POLR3B: variants seen among roughly 807,000 people sequenced by gnomAD.
The protein encoded by POLR3B is RNA polymerase III subunit B, also known as DNA-directed RNA polymerase III subunit RPC2.
POLR3B carries 96 observed loss-of-function variants against 147.4 expected under a neutral mutation model. The ratio of observed to expected loss-of-function variants is 0.65; its 90% confidence interval spans 0.55 to 0.77. POLR3B has a LOEUF of 0.77. Ranked by LOEUF, POLR3B falls within the 30% of genes least tolerant of loss-of-function variation. The pLI is 0.00. For missense variants in POLR3B, 1,036 were observed against 1,413.5 expected, an observed-to-expected ratio of 0.73 and a Z score of 4.28; for synonymous variants, 461 against 485.9, an observed-to-expected ratio of 0.95 and a Z score of 0.67.
chr12:106,456,763 T>C (rs1386965262), intron 20 of POLR3B, among the ~76,000 whole-genome samples: 2 of 152,164 alleles, frequency 1.3e-5, no homozygotes, highest in Admixed American at 6.5e-5. Flanking sequence ...GTAAAACAGA[T>C]AGGTTAAGCA....
intron 27 of POLR3B, among the ~76,000 whole-genome samples, chr12:106,508,687 A>C (rs1416628302): frequency 6.6e-6 from 1 of 152,244 alleles, no homozygotes. Flanking sequence ...TCCTAATTGG[A>C]ATATGAGGCA....
intron 7 of POLR3B, 53 bp downstream of exon 7, chr12:106,376,503 G>T (rs1298044358): frequency 3.7e-5 from 46 of 1,233,170 alleles, no homozygotes; most frequent in Non-Finnish European, 5.2e-5. Flanking sequence ...TTATTCTGCT[G>T]CTGCTGTGGT....
chr12:106,357,968 C>T lies in POLR3B; in HGVS notation c.72+17C>T. ...ACTGTAGAGGTCAGTGCCAGGCACG[C>T]AGGGAGCGTCAGGGACAAGGATGCG... On this transcript the variant is annotated intron_variant, in intron 1 of 27. Transcript: ENST00000228347. The T allele has an allele frequency of 6.2e-7, 1 of 1,610,626 alleles. No homozygotes were observed. The highest frequency in any genetic ancestry group is 1.7e-5 in the Admixed American group (1 of 59,916).
intron 21 of POLR3B, among the ~76,000 whole-genome samples, chr12:106,458,441 G>A (rs1223144409): frequency 1.3e-5 from 2 of 152,086 alleles, no homozygotes; most frequent in Non-Finnish European, 1.5e-5. Context: ...GATCCTAAAA[G>A]CAATGATATA....
chr12:106,362,757 A>G (rs974804827), intron 1 of POLR3B, among the ~76,000 whole-genome samples: 4 of 152,154 alleles, frequency 2.6e-5, no homozygotes, highest in African/African-American at 9.7e-5. Context: ...GGACTTTAGC[A>G]TATGAATTTT....
chr12:106,496,868 C>T lies in POLR3B; in HGVS notation c.2934C>T (p.Arg978=), dbSNP rs1402023045. 2 of 1,614,042 alleles carry T rather than the reference C, an allele frequency of 1.2e-6. No homozygotes were observed. Among genetic ancestry groups the T allele is most frequent in the South Asian group, 2.2e-5 (2 of 91,072 alleles). Residue 978 remains arginine, a synonymous_variant, in exon 25 of 28, where the codon CGC becomes CGT. Coordinates refer to ENST00000228347, the MANE Select transcript of POLR3B (RefSeq NM_018082.6). The part of the protein sequence containing the change: ...KVKDVCEDLV[R]HGYNYLGKDY... ...AGGATGTGTGTGAGGACCTCGTTCGCCATGGTTATAACTACTTGGGGAAAG... is the reference window on the plus strand; with the variant it reads ...AGGATGTGTGTGAGGACCTCGTTCGTCATGGTTATAACTACTTGGGGAAAG...
intron 9 of POLR3B, among the ~76,000 whole-genome samples, chr12:106,382,619 A>G (rs879793362): frequency 3.9e-5 from 6 of 152,206 alleles, no homozygotes; most frequent in Non-Finnish European, 8.8e-5. Flanking sequence ...TTCATTATCA[A>G]TGAGTAGTAA....
intron 18 of POLR3B, among the ~76,000 whole-genome samples, chr12:106,439,574 G>A (rs1212894742): frequency 6.7e-6 from 1 of 150,322 alleles, no homozygotes. Flanking sequence ...GAGTCCAGGA[G>A]GTGGAGGCTC....
chr12:106,508,380 C>G (rs183283080), intron 27 of POLR3B, among the ~76,000 whole-genome samples: 5 of 152,186 alleles, frequency 3.3e-5, no homozygotes, highest in Admixed American at 2.6e-4. Context: ...AGGAATCCCC[C>G]TTCAATTCCT....
intron 19 of POLR3B, among the ~76,000 whole-genome samples, chr12:106,445,278 A>G (rs2037707028): frequency 6.6e-6 from 1 of 152,250 alleles, no homozygotes; most frequent in Non-Finnish European, 1.5e-5. Context: ...GGAGAGACCA[A>G]CAAATAAAAC....
chr12:106,393,141 C>G lies in POLR3B; in HGVS notation c.834C>G (p.Phe278Leu). 1 of 1,614,180 alleles carries G rather than the reference C, an allele frequency of 6.2e-7. No individual in the cohort carries two copies. Among genetic ancestry groups the G allele is most frequent in the South Asian group, 1.1e-5 (1 of 91,086 alleles). The part of the protein sequence containing the change: ...SLEECQKAQI[F>L]TQMQALKYIG... ...AAGAGTGCCAGAAAGCTCAGATTTT[C>G]ACACAGATGCAGGTGTGTCTTTTCA... Residue 278 changes from phenylalanine (F) to leucine (L), a missense_variant, in exon 10 of 28, where the codon TTC (phenylalanine) becomes TTG (leucine). Transcript: ENST00000228347.
chr12:106,504,084 A>G lies in POLR3B; in HGVS notation c.3102A>G (p.Gln1034=), dbSNP rs370631015. 5.6e-6 allele frequency: 9 copies of G among 1,613,690 alleles called. No homozygotes were observed. The highest frequency in any genetic ancestry group is 1.6e-4 in the Middle Eastern group (1 of 6,084). The change falls in exon 27 of 28, where the codon CAA becomes CAG. Residue 1034 remains glutamine, a synonymous_variant. Transcript: ENST00000228347. The surrounding 1 kb of genome is among the most constrained non-coding windows in gnomAD (Gnocchi z 4.6). ...TGTCTAATAACTTGTTTCAAAGGCAACCCACTGAAGGACGGTCTCGTGATG... is the reference window on the plus strand; with the variant it reads ...TGTCTAATAACTTGTTTCAAAGGCAGCCCACTGAAGGACGGTCTCGTGATG... ...ARGPRAVLTR[Q]PTEGRSRDGG...
chr12:106,370,735 A>C (rs544424731), intron 6 of POLR3B, among the ~76,000 whole-genome samples: 9 of 149,182 alleles, frequency 6.0e-5, no homozygotes, highest in African/African-American at 2.2e-4. Context: ...GGGTTCAAGT[A>C]GTTCTCTAGC....
chr12:106,424,134 G>A (rs904295810), intron 12 of POLR3B, among the ~76,000 whole-genome samples: 5 of 151,988 alleles, frequency 3.3e-5, no homozygotes, highest in Non-Finnish European at 4.4e-5. Flanking sequence ...GATTACAGGC[G>A]TGAGCCACCG....
chr12:106,507,966 G>A (rs1282785208), intron 27 of POLR3B, among the ~76,000 whole-genome samples: 2 of 152,078 alleles, frequency 1.3e-5, no homozygotes, highest in Non-Finnish European at 2.9e-5. Flanking sequence ...TCAAGATTCT[G>A]ATAAGGGCAG....
At chr12:106,505,371 T>G (rs1029250740) in intron 27 of POLR3B, among the ~76,000 whole-genome samples, 6 of 151,406 alleles carry the variant, frequency 4.0e-5, no homozygotes, top group African/African-American at 1.5e-4. Flanking sequence ...CACTGCAGCC[T>G]CAACCTCCCA....
At chr12:106,459,031 G>T (rs1423986210) in intron 21 of POLR3B, among the ~76,000 whole-genome samples, 6 of 149,924 alleles carry the variant, frequency 4.0e-5, no homozygotes, top group African/African-American at 1.2e-4. Context: ...TATGATGTGT[G>T]TGTGTGTGTG....
intron 6 of POLR3B, among the ~76,000 whole-genome samples, chr12:106,373,813 A>G (rs145601888): frequency 7.2e-5 from 11 of 152,264 alleles, no homozygotes; most frequent in Non-Finnish European, 1.2e-4. Context: ...TAAACTGCAT[A>G]TGGTTAGATT....
chr12:106,464,149 C>T (rs747137278), intron 23 of POLR3B, among the ~76,000 whole-genome samples: 2 of 152,214 alleles, frequency 1.3e-5, no homozygotes, highest in South Asian at 2.1e-4. Context: ...GACCCCAGGG[C>T]GGTGCTTTGT....
Sources: gnomAD v4.1 joint callset for allele counts (sites outside exome capture counted in the v4.1 genomes callset) on GRCh38, gnomAD v4.1.1 for gene constraint, Gnocchi (gnomAD v3.1) non-coding constraint, MANE v1.5 for transcripts, NCBI Gene and HGNC (gene_info 2026-07-23, HGNC 2026-07-21) for gene names.